GAREM2: variants seen among roughly 807,000 people sequenced by gnomAD.
GAREM2 encodes the protein GRB2 associated regulator of MAPK1 subtype 2, also known as GRB2-associated and regulator of MAPK protein 2.
A neutral mutation model predicts 55.6 loss-of-function variants in GAREM2; 30 were observed. That is an observed-to-expected ratio of 0.54 (90% CI 0.40 to 0.73). The LOEUF is 0.73. GAREM2 is among the 30% of genes least tolerant of loss of function. The pLI is 0.00. For synonymous variants in GAREM2, 550 were observed against 569.1 expected (o/e 0.97, Z 0.48); for missense variants, 1,075 against 1,257.7 (o/e 0.85, Z 2.20).
chr2:26,177,473 A>G (rs73920249), intron 2 of GAREM2, among the ~76,000 whole-genome samples: 4,684 of 152,340 alleles, frequency 0.031, 244 homozygotes, highest in African/African-American at 0.11. Flanking sequence ...CTGAGGCTCC[A>G]GGAGTTTCAG....
At chr2:26,199,242 C>A in the GAREM2 span, 1 of 152,360 alleles carries the variant, frequency 6.6e-6, no homozygotes, top group African/African-American at 2.4e-5. Flanking sequence ...GTGGTACATA[C>A]CCATAGTCCT....
chr2:26,173,264 TG>T lies in GAREM2; in HGVS notation c.47del (p.Gly16AlafsTer46). 1.4e-6 allele frequency: 2 copies of T among 1,418,620 alleles called. No homozygotes were observed. The highest frequency in any genetic ancestry group is 9.2e-7 in the Non-Finnish European group (1 of 1,082,098). The allele number at this position is 1,418,620 out of a possible 1,614,324, so 87.9% of individuals were successfully genotyped here. On this transcript the variant is annotated frameshift_variant, in exon 1 of 6. Coordinates refer to ENST00000401533, the MANE Select transcript of GAREM2 (RefSeq NM_001168241.2). LOFTEE classifies it high-confidence loss of function. ...AAGLAGLRWS[M>X]GAFPLDLIVS... ...GGGCTGGCCGGCCTGCGCTGGAGCA[TG>T]GGCGCCTTCCCGCTCGACCTCATCG...
At chr2:26,197,971 C>T in the GAREM2 span, among the ~76,000 whole-genome samples, 2,748 of 152,280 alleles carry the variant, frequency 0.018, 84 homozygotes, top group African/African-American at 0.061. Context: ...TGACCTTGTT[C>T]CTTTTCCCAT....
chr2:26,185,853 C>T (rs1313372220), intron 4 of GAREM2, among the ~76,000 whole-genome samples: 2 of 152,178 alleles, frequency 1.3e-5, no homozygotes, highest in African/African-American at 4.8e-5. Context: ...TTTCCTTTGT[C>T]CTCTGCTTTC....
At position 26,179,040 on chromosome 2, in the gene GAREM2, C is replaced by T. The variant is rs1335146506; in HGVS notation, c.253+2556C>T. Reference sequence around the variant, plus strand: ...GGCGGGGGTGGCCGGCTGCGGACCGCGGAGAGAGCCGAGGGGAAGGCCGTG... The same window carrying T: ...GGCGGGGGTGGCCGGCTGCGGACCGTGGAGAGAGCCGAGGGGAAGGCCGTG... On this transcript the variant is annotated intron_variant, in intron 2 of 5. Coordinates refer to ENST00000401533, the MANE Select transcript of GAREM2 (RefSeq NM_001168241.2). This position sits in a 1 kb window ranked among gnomAD's most constrained non-coding sequence, Gnocchi z 4.7. 6.6e-6 allele frequency among the ~76,000 whole-genome samples: 1 copy of T among 152,092 alleles called. No individual in the cohort carries two copies. The highest frequency in any genetic ancestry group is 1.5e-5 in the Non-Finnish European group (1 of 68,008).
rs879142012 is a variant in GAREM2 at position 26,183,157 on chromosome 2, C to G, written c.384+60C>G. 2.1e-5 allele frequency: 32 copies of G among 1,527,870 alleles called. No individual in the cohort carries two copies. The South Asian group carries it at 3.3e-4, about 16-fold the overall frequency. The allele number at this position is 1,527,870 out of a possible 1,614,324, so 94.6% of individuals were successfully genotyped here. On this transcript the variant is annotated intron_variant, in intron 3 of 5. Coordinates refer to ENST00000401533, the MANE Select transcript of GAREM2 (RefSeq NM_001168241.2). ...CACTACTCCTTGCCTCAGGGGCAAC[C>G]CTGACTCTGGTTGGAAGGTTGCCCT...
chr2:26,198,051 T>C, the GAREM2 span, among the ~76,000 whole-genome samples: 3 of 152,160 alleles, frequency 2.0e-5, no homozygotes, highest in Non-Finnish European at 4.4e-5. Context: ...ATCTCAGCAG[T>C]TGGGTCAATA....
chr2:26,190,949 C>T (rs1669477793), downstream of GAREM2: 1 of 515,744 alleles, frequency 1.9e-6, no homozygotes, highest in Non-Finnish European at 3.5e-6. Flanking sequence ...CCACCCTGGC[C>T]TCTTGGGAGG....
At chr2:26,186,046 C>T (rs1222640125) in intron 4 of GAREM2, 143 bp from the exon 5 acceptor site, 2 of 744,486 alleles carry the variant, frequency 2.7e-6, no homozygotes, top group African/African-American at 1.8e-5. Context: ...ACTGGATGAG[C>T]AGTTGGGGTG....
chr2:26,191,373 C>A (rs1352996721), downstream of GAREM2: 5 of 1,614,090 alleles, frequency 3.1e-6, no homozygotes, highest in East Asian at 8.9e-5. Flanking sequence ...GGGCGCCATA[C>A]AGATCCACAA....
At chr2:26,204,094 C>T in the GAREM2 span, 7 of 1,613,762 alleles carry the variant, frequency 4.3e-6, no homozygotes, top group South Asian at 1.1e-5. Flanking sequence ...CTCGGTCTAG[C>T]GCAGTGAGGG....
At chr2:26,180,112 GC>G (rs1668995737) in intron 2 of GAREM2, among the ~76,000 whole-genome samples, 1 of 152,136 alleles carries the variant, frequency 6.6e-6, no homozygotes, top group Non-Finnish European at 1.5e-5. Context: ...GGGTCCCAGG[GC>G]GGGGAGGGCA....
chr2:26,174,272 C>T (rs977713463), intron 1 of GAREM2, among the ~76,000 whole-genome samples: 4 of 152,200 alleles, frequency 2.6e-5, no homozygotes, highest in Non-Finnish European at 4.4e-5. Context: ...GGAGCAGGCT[C>T]ATGGGGGAGC....
intron 1 of GAREM2, among the ~76,000 whole-genome samples, chr2:26,173,605 G>A (rs920245020): frequency 2.6e-5 from 4 of 152,070 alleles, no homozygotes; most frequent in African/African-American, 7.2e-5. Context: ...GAAAGGGGCC[G>A]AGCCCCTGCT....
the GAREM2 span, among the ~76,000 whole-genome samples, chr2:26,198,210 G>A: frequency 6.6e-6 from 1 of 152,064 alleles, no homozygotes; most frequent in African/African-American, 2.4e-5. Flanking sequence ...AAATGTGCAT[G>A]CTTGTCTCAT....
chr2:26,201,695 T>A, the GAREM2 span, among the ~76,000 whole-genome samples: 2 of 152,140 alleles, frequency 1.3e-5, no homozygotes, highest in Non-Finnish European at 2.9e-5. Context: ...TCTCTACCTA[T>A]GACAGGGGAA....
downstream of GAREM2, chr2:26,191,304 T>A (rs1558313262): frequency 6.2e-7 from 1 of 1,613,546 alleles, no homozygotes; most frequent in South Asian, 1.1e-5. Flanking sequence ...GCAGCTGGCA[T>A]GGGGTGAACT....
At position 26,176,482 on chromosome 2, in the gene GAREM2, C is replaced by A. The variant is rs1481644500; in HGVS notation, c.251C>A (p.Pro84Gln). The A allele has an allele frequency of 1.9e-6, 3 of 1,542,618 alleles. No individual in the cohort carries two copies. ...AAGATCGACATCCCCCTGCAGTACC[C>A]AGGTGTGTCCAGCCAGGACAGATGT... Reference protein sequence around the residue: ...GPKIDIPLQYPGKFKLLEQAR... With the variant: ...GPKIDIPLQYQGKFKLLEQAR... Residue 84 changes from proline (P) to glutamine (Q), a missense_variant and splice_region_variant, in exon 2 of 6, where the codon CCA becomes CAA. Transcript: ENST00000401533.
Position 26,173,146 on chromosome 2 carries a change from G to T in GAREM2, c.-75G>T, listed in dbSNP as rs1668754604. On this transcript the variant is annotated 5_prime_UTR_variant, in exon 1 of 6. Coordinates refer to ENST00000401533, the MANE Select transcript of GAREM2 (RefSeq NM_001168241.2). ...CGCCGCGGCGGCCCCGGGAGGTGGC[G>T]GCGGGCGCGAGAGCCTGGGCCGCGC... 1.1e-5 allele frequency: 4 copies of T among 374,144 alleles called. No individual in the cohort carries two copies. Among genetic ancestry groups the T allele is most frequent in the Non-Finnish European group, 1.1e-5 (3 of 262,500 alleles). The allele number at this position is 374,144 out of a possible 1,614,324, so 23.2% of individuals were successfully genotyped here.
Sources: gnomAD v4.1 joint callset for allele counts (sites outside exome capture counted in the v4.1 genomes callset) on GRCh38, gnomAD v4.1.1 for gene constraint, Gnocchi (gnomAD v3.1) non-coding constraint, MANE v1.5 for transcripts, NCBI Gene and HGNC (gene_info 2026-07-23, HGNC 2026-07-21) for gene names.